CSMD3: variants seen among roughly 807,000 people sequenced by gnomAD.
CSMD3 encodes CUB and sushi domain-containing protein 3.
In CSMD3, 177 loss-of-function variants were observed where a neutral mutation model predicts 435.2. The ratio of observed to expected loss-of-function variants is 0.41; its 90% CI spans 0.36 to 0.46. The LOEUF (loss-of-function observed/expected upper bound fraction) is 0.46. CSMD3 is among the 20% of genes least tolerant of loss of function. The pLI is 0.34. For missense variants in CSMD3, 4,265 were observed against 4,504.6 expected (o/e 0.95, Z 1.52); for synonymous variants, 1,656 against 1,520.5 (o/e 1.09, Z -2.07).
chr8:112,308,264 A>G (rs1035387912), intron 50 of CSMD3, among the ~76,000 whole-genome samples: 5 of 152,126 alleles, frequency 3.3e-5, no homozygotes, highest in Admixed American at 2.0e-4. Flanking sequence ...GTTATATGCC[A>G]TCTCCCTCCC....
intron 13 of CSMD3, among the ~76,000 whole-genome samples, chr8:112,754,849 G>A (rs1362168335): frequency 5.9e-5 from 9 of 152,144 alleles, no homozygotes; most frequent in Admixed American, 5.2e-4. Context: ...ACTTCATATT[G>A]GAGAAATTGA....
chr8:113,005,878 T>C (rs1020420576), intron 6 of CSMD3, among the ~76,000 whole-genome samples: 1 of 152,082 alleles, frequency 6.6e-6, no homozygotes, highest in African/African-American at 2.4e-5. Flanking sequence ...CTATTCCTTG[T>C]TGGTTTTGTA....
chr8:113,182,679 G>A (rs143182846), intron 3 of CSMD3, among the ~76,000 whole-genome samples: 330 of 152,110 alleles, frequency 2.2e-3, no homozygotes, highest in African/African-American at 7.6e-3. Context: ...AGGCCATCAG[G>A]GACTCAGTTT....
At chr8:113,285,832 T>C (rs2093642924) in intron 2 of CSMD3, among the ~76,000 whole-genome samples, 1 of 152,208 alleles carries the variant, frequency 6.6e-6, no homozygotes, top group East Asian at 1.9e-4. Context: ...CAAAAATGCA[T>C]GTAAACTCAT....
intron 6 of CSMD3, among the ~76,000 whole-genome samples, chr8:113,000,737 A>T (rs1447025282): frequency 2.0e-5 from 3 of 151,962 alleles, no homozygotes; most frequent in Non-Finnish European, 4.4e-5. Context: ...CTTTGGGGGA[A>T]ATCATTAAAC....
chr8:112,313,138 G>A (rs1047999022), intron 49 of CSMD3, among the ~76,000 whole-genome samples: 1 of 152,116 alleles, frequency 6.6e-6, no homozygotes, highest in African/African-American at 2.4e-5. Flanking sequence ...GACTATTTAT[G>A]TACATTTACT....
At chr8:112,652,003 T>C (rs2075138886) in intron 18 of CSMD3, among the ~76,000 whole-genome samples, 1 of 152,194 alleles carries the variant, frequency 6.6e-6, no homozygotes, top group African/African-American at 2.4e-5. Context: ...CAATAACATT[T>C]AGCATGTTTT....
intron 59 of CSMD3, among the ~76,000 whole-genome samples, chr8:112,269,751 T>C: frequency 6.6e-6 from 1 of 152,216 alleles, no homozygotes; most frequent in Admixed American, 6.5e-5. Flanking sequence ...CTGAACATCA[T>C]AGAAAATAAC....
At chr8:113,046,043 T>C (rs1421984314) in intron 5 of CSMD3, among the ~76,000 whole-genome samples, 1 of 149,580 alleles carries the variant, frequency 6.7e-6, no homozygotes, top group Non-Finnish European at 1.5e-5. Context: ...AAACCTTTTA[T>C]TGAAGTAATT....
chr8:112,554,152 A>C (rs2131210686), intron 25 of CSMD3, among the ~76,000 whole-genome samples: 1 of 152,042 alleles, frequency 6.6e-6, no homozygotes, highest in South Asian at 2.1e-4. Flanking sequence ...CCTTAAATTA[A>C]ATAAAGCTCT....
chr8:112,380,152 T>G (rs1313820824), intron 38 of CSMD3, among the ~76,000 whole-genome samples, 200 bp downstream of exon 38: 1 of 152,218 alleles, frequency 6.6e-6, no homozygotes, highest in Non-Finnish European at 1.5e-5. Flanking sequence ...ACAAAAAAAC[T>G]TGTAAATTCT....
chr8:112,301,662 G>A lies in CSMD3; in HGVS notation c.8440+131C>T, dbSNP rs1305936254. On this transcript the variant is annotated intron_variant, in intron 53 of 70. Coordinates refer to ENST00000297405, the MANE Select transcript of CSMD3 (RefSeq NM_198123.2). ...TATCATGAGCCATTTTTAAAGATAA[G>A]TATTTTCTGGTTTTTAACATACTTA... The A allele has an allele frequency of 4.3e-6, 3 of 697,558 alleles. No individual in the cohort carries two copies. In the African/African-American group the frequency reaches 5.4e-5, roughly 13 times the overall value. 43.2% of individuals were successfully genotyped at this position (697,558 alleles called of 1,614,324 possible). A position where few individuals can be genotyped will look rare whatever the true frequency, so the allele number is the denominator to read the frequency against.
chr8:112,575,532 TG>T (rs1263673382), intron 23 of CSMD3, among the ~76,000 whole-genome samples: 1 of 152,076 alleles, frequency 6.6e-6, no homozygotes, highest in East Asian at 1.9e-4. Flanking sequence ...ACTAGAGGGC[TG>T]TATACACAAA....
intron 22 of CSMD3, among the ~76,000 whole-genome samples, chr8:112,607,899 C>A (rs1832924996): frequency 2.0e-5 from 3 of 152,034 alleles, no homozygotes; most frequent in Admixed American, 2.0e-4. Flanking sequence ...AGGAACAAGA[C>A]AAGAATGCCC....
intron 36 of CSMD3, among the ~76,000 whole-genome samples, chr8:112,389,269 T>C (rs1040808272): frequency 3.9e-5 from 6 of 152,192 alleles, no homozygotes; most frequent in Non-Finnish European, 8.8e-5. Context: ...AATATATAGA[T>C]GCTCTTGAAT....
At chr8:112,736,044 T>G (rs1288139605) in intron 13 of CSMD3, among the ~76,000 whole-genome samples, 2 of 152,052 alleles carry the variant, frequency 1.3e-5, no homozygotes, top group African/African-American at 2.4e-5. Flanking sequence ...CTGTTTAAAT[T>G]ATACTTTAGG....
At chr8:113,151,797 A>G (rs2091812997) in intron 4 of CSMD3, among the ~76,000 whole-genome samples, 1 of 152,022 alleles carries the variant, frequency 6.6e-6, no homozygotes, top group African/African-American at 2.4e-5. Flanking sequence ...TTATGATATG[A>G]TTTTGAGAAA....
chr8:113,352,708 A>G (rs756335768), intron 1 of CSMD3, among the ~76,000 whole-genome samples: 41 of 152,274 alleles, frequency 2.7e-4, no homozygotes, highest in Non-Finnish European at 4.9e-4. Context: ...AAAGACTGAA[A>G]AGAAAACAGC....
intron 13 of CSMD3, among the ~76,000 whole-genome samples, chr8:112,709,615 G>A (rs1280521051): frequency 3.3e-5 from 5 of 152,048 alleles, no homozygotes; most frequent in Admixed American, 2.0e-4. Flanking sequence ...CCTTTCTGAA[G>A]CTTATTTAAA....
Sources: gnomAD v4.1 joint callset for allele counts (sites outside exome capture counted in the v4.1 genomes callset) on GRCh38, gnomAD v4.1.1 for gene constraint, MANE v1.5 for transcripts, NCBI Gene and HGNC (gene_info 2026-07-23, HGNC 2026-07-21) for gene names.